SQLE: variants seen among roughly 807,000 people sequenced by gnomAD.
SQLE encodes squalene monooxygenase.
In SQLE, 29 loss-of-function variants were observed where a neutral mutation model predicts 60.7. The ratio of observed to expected loss-of-function variants is 0.48; its 90% CI spans 0.36 to 0.65. SQLE has a LOEUF of 0.65. Among genes scored for constraint, SQLE ranks in the 30% least tolerant of loss-of-function variants. The pLI, the probability that SQLE is intolerant of heterozygous loss-of-function variation, is 0.00. For missense variants in SQLE, 605 were observed against 684.1 expected, an observed-to-expected ratio of 0.88 and a Z score of 1.29; for synonymous variants, 237 against 246.8, an observed-to-expected ratio of 0.96 and a Z score of 0.37.
intron 7 of SQLE, among the ~76,000 whole-genome samples, chr8:125,015,887 A>C (rs1267643886): frequency 6.6e-6 from 1 of 151,736 alleles, no homozygotes; most frequent in East Asian, 1.9e-4. Context: ...GTAGCATAAA[A>C]GTTCTTTTCC....
intron 6 of SQLE, among the ~76,000 whole-genome samples, chr8:125,009,824 G>C (rs1203124133): frequency 6.6e-6 from 1 of 151,498 alleles, no homozygotes; most frequent in African/African-American, 2.4e-5. Context: ...ATATGTTTTT[G>C]TCACATAATA....
At chr8:125,003,564 T>G in intron 2 of SQLE, 136 bp downstream of exon 2, 1 of 1,098,884 alleles carries the variant, frequency 9.1e-7, no homozygotes, top group South Asian at 1.7e-5. Context: ...TACCAACAAA[T>G]TTGCATGAAA....
At chr8:125,014,497 G>A (rs937537392) in intron 7 of SQLE, among the ~76,000 whole-genome samples, 1 of 151,830 alleles carries the variant, frequency 6.6e-6, no homozygotes, top group Non-Finnish European at 1.5e-5. Context: ...TGCACTGTTA[G>A]GTTGTTTATT....
rs1563601463 is a variant in SQLE at position 125,021,736 on chromosome 8, A to G, written c.1533-17A>G. On this transcript the variant is annotated splice_polypyrimidine_tract_variant and intron_variant, in intron 10 of 10. Transcript: ENST00000265896. The stretch of plus-strand genomic sequence containing the variant: ...TAGTTTCTGAGTCTTACCAATATGT[A>G]TTTTTTTCTATTACAGATTGTCTCC... The G allele has an allele frequency of 1.3e-6, 2 of 1,557,008 alleles. No homozygotes were observed. Among genetic ancestry groups the G allele is most frequent in the Non-Finnish European group, 1.7e-6 (2 of 1,147,718 alleles).
Position 124,998,805 on chromosome 8 carries a change from C to G in SQLE, c.-599C>G. 2.0e-6 allele frequency: 1 copy of G among 492,040 alleles called. No homozygotes were observed. Among genetic ancestry groups the G allele is most frequent in the Non-Finnish European group, 3.6e-6 (1 of 276,346 alleles). 30.5% of individuals were successfully genotyped at this position (492,040 alleles called of 1,614,324 possible). ...GGCCATCTTTTGTTGGAGAAGGCGTCGGCGTTGGCGTTTTCCCGAGGTTGG... is the reference window on the plus strand; with the variant it reads ...GGCCATCTTTTGTTGGAGAAGGCGTGGGCGTTGGCGTTTTCCCGAGGTTGG... On this transcript the variant is annotated 5_prime_UTR_variant, in exon 1 of 11. Transcript: ENST00000265896.
intron 6 of SQLE, chr8:125,011,198 A>C (rs1018848776): frequency 1.8e-5 from 3 of 170,728 alleles, no homozygotes; most frequent in South Asian, 1.6e-4. Context: ...TTAAATATTA[A>C]ATATGACAGT....
At chr8:125,007,835 A>G (rs1814978858) in intron 4 of SQLE, among the ~76,000 whole-genome samples, 1 of 152,188 alleles carries the variant, frequency 6.6e-6, no homozygotes, top group African/African-American at 2.4e-5. Context: ...ATGCAACAGG[A>G]TGGGTTTCAG....
chr8:125,009,789 G>A (rs562834700), intron 6 of SQLE, among the ~76,000 whole-genome samples: 14 of 148,594 alleles, frequency 9.4e-5, no homozygotes, highest in East Asian at 2.0e-4. Context: ...GCGAAACTCC[G>A]TCTCAAAAAA....
At position 125,022,141 on chromosome 8, in the gene SQLE, T is replaced by C. The variant is rs1465113152; in HGVS notation, c.*196T>C. The stretch of plus-strand genomic sequence containing the variant: ...ACATGCTTTAATTTGCAATTTAAAA[T>C]GAAGGGGTTAAATAAGTTAGACATT... On this transcript the variant is annotated 3_prime_UTR_variant, in exon 11 of 11. Coordinates refer to ENST00000265896, the MANE Select transcript of SQLE (RefSeq NM_003129.4). 1.3e-5 allele frequency: 5 copies of C among 372,622 alleles called. No individual in the cohort carries two copies. Among genetic ancestry groups the C allele is most frequent in the Non-Finnish European group, 2.4e-5 (5 of 211,160 alleles). The allele number at this position is 372,622 out of a possible 1,614,324, so 23.1% of individuals were successfully genotyped here.
At chr8:125,008,489 A>C (rs958811689) in intron 4 of SQLE, among the ~76,000 whole-genome samples, 1 of 152,246 alleles carries the variant, frequency 6.6e-6, no homozygotes, top group Non-Finnish European at 1.5e-5. Flanking sequence ...TCCTCTAATG[A>C]AGGTGACTGG....
At chr8:125,017,678 G>C (rs1815131439) in intron 7 of SQLE, among the ~76,000 whole-genome samples, 1 of 152,126 alleles carries the variant, frequency 6.6e-6, no homozygotes, top group African/African-American at 2.4e-5. Flanking sequence ...TGTGGGAGGG[G>C]GATGATCGCC....
At position 124,999,637 on chromosome 8, in the gene SQLE, C is replaced by T. The variant is rs764271368; in HGVS notation, c.234C>T (p.Phe78=). The T allele has an allele frequency of 1.9e-6, 3 of 1,612,196 alleles. No individual in the cohort carries two copies. The highest frequency in any genetic ancestry group is 2.5e-6 in the Non-Finnish European group (3 of 1,179,026). The change falls in exon 1 of 11, where the codon TTC becomes TTT. Residue 78 remains phenylalanine, a synonymous_variant. Transcript: ENST00000265896. ...DILSGLPFIG[F]FWAKSPPESE... ...TCTCAGGCCTGCCTTTCATTGGCTT[C>T]TTCTGGGCCAAATCCCCCCCTGAAT... is the stretch of plus-strand genomic sequence containing the variant.
At chr8:125,018,478 G>T (rs2293987) in intron 8 of SQLE, among the ~76,000 whole-genome samples, 153 bp from the exon 9 acceptor site, 4,242 of 152,202 alleles carry the variant, frequency 0.028, 122 homozygotes, top group South Asian at 0.16. Context: ...TGCTCTGAAG[G>T]TGATTTTTTA....
rs773804007 is a variant in SQLE, at chr8:125,008,895, G to A, written c.823-76G>A. ...TGATAATATATCTAAATCTCTTCAC[G>A]CACATTTTTTAAGAATGGCTTTTTT... is the stretch of plus-strand genomic sequence containing the variant. On this transcript the variant is annotated intron_variant, in intron 4 of 10. Coordinates refer to ENST00000265896, the MANE Select transcript of SQLE (RefSeq NM_003129.4). 2.5e-5 allele frequency: 25 copies of A among 980,920 alleles called. No homozygotes were observed. The Admixed American group carries it at 3.8e-4, about 15-fold the overall frequency. 60.8% of individuals were successfully genotyped at this position (980,920 alleles called of 1,614,324 possible).
At chr8:125,007,853 C>T (rs1403858775) in intron 4 of SQLE, among the ~76,000 whole-genome samples, 2 of 152,140 alleles carry the variant, frequency 1.3e-5, no homozygotes, top group African/African-American at 2.4e-5. Context: ...CAGATTGCAA[C>T]ACATTGTTCT....
chr8:125,020,937 T>G (rs1815194639), intron 10 of SQLE, 66 bp downstream of exon 10: 1 of 1,063,234 alleles, frequency 9.4e-7, no homozygotes, highest in Admixed American at 1.9e-5. Flanking sequence ...AGTTGATGAA[T>G]TACTGCAAAT....
At position 125,006,579 on chromosome 8, in the gene SQLE, C is replaced by A. The variant is rs1814950457; in HGVS notation, c.726-812C>A. Among the ~76,000 whole-genome samples the A allele has an allele frequency of 4.0e-5, 6 of 148,218 alleles. No individual in the cohort carries two copies. In the South Asian group the frequency reaches 1.1e-3, roughly 27 times the overall value. On this transcript the variant is annotated intron_variant, in intron 3 of 10. Transcript: ENST00000265896. ...GAGGTTGCAGTGAGCCGAGATAGCGCCACTGCACTCCAGCCTGGGCGACAG... is the reference window on the plus strand; with the variant it reads ...GAGGTTGCAGTGAGCCGAGATAGCGACACTGCACTCCAGCCTGGGCGACAG...
chr8:125,003,757 A>G (rs1267349134), intron 2 of SQLE, among the ~76,000 whole-genome samples: 2 of 152,154 alleles, frequency 1.3e-5, no homozygotes, highest in Admixed American at 6.5e-5. Flanking sequence ...GGTATGTTGT[A>G]TACTTGTTAC....
At chr8:125,007,869 G>A (rs181917005) in intron 4 of SQLE, among the ~76,000 whole-genome samples, 1 of 152,238 alleles carries the variant, frequency 6.6e-6, no homozygotes, top group African/African-American at 2.4e-5. Context: ...GTTCTTTAGA[G>A]GACTTCAGAA....
Sources: allele counts gnomAD v4.1 joint callset (sites outside exome capture counted in the v4.1 genomes callset), GRCh38; gene constraint gnomAD v4.1.1; transcripts MANE v1.5; gene names NCBI Gene and HGNC (gene_info 2026-07-23, HGNC 2026-07-21).